Variants in NAA38 observed in about 807,000 individuals in gnomAD.
NAA38 encodes LSM domain containing 1.
In NAA38, 15 loss-of-function variants were observed where a neutral mutation model predicts 12.6. That is an observed-to-expected ratio of 1.19 (90% CI 0.79 to 1.83). NAA38 has a LOEUF of 1.83. NAA38 is among the 40% of genes most tolerant of loss of function. NAA38 has a pLI of 0.00. For missense variants in NAA38, 183 were observed against 171.7 expected, an observed-to-expected ratio of 1.07 and a Z score of -0.37; for synonymous variants, 88 against 69.9, an observed-to-expected ratio of 1.26 and a Z score of -1.29.
intron 3 of NAA38, chr17:7,863,136 C>T (rs1379297417): frequency 1.3e-5 from 2 of 152,036 alleles, no homozygotes; most frequent in African/African-American, 2.4e-5. Flanking sequence ...AAAGACATCA[C>T]AAATTTTTAA....
intron 2 of NAA38, among the ~76,000 whole-genome samples, chr17:7,873,596 G>C (rs1725547026): frequency 6.6e-6 from 1 of 152,194 alleles, no homozygotes; most frequent in African/African-American, 2.4e-5. Context: ...GACTGGGAAA[G>C]AGCAAGTGGA....
At chr17:7,882,151 A>C (rs1967284579) in intron 2 of NAA38, among the ~76,000 whole-genome samples, 1 of 152,184 alleles carries the variant, frequency 6.6e-6, no homozygotes, top group African/African-American at 2.4e-5. Flanking sequence ...GAGTGTTTGT[A>C]TAGGGATGCA....
chr17:7,885,198 A>C (rs1180696007), exon 1 of NAA38: 1 of 945,952 alleles, frequency 1.1e-6, no homozygotes. Flanking sequence ...CCGGAGCGCG[A>C]ATCCGGGGCT....
chr17:7,867,488 A>G (rs1180615395), intron 2 of NAA38, among the ~76,000 whole-genome samples: 2 of 151,912 alleles, frequency 1.3e-5, no homozygotes, highest in East Asian at 3.9e-4. Context: ...ACAGGCGTGC[A>G]CCACCACACC....
intron 2 of NAA38, among the ~76,000 whole-genome samples, chr17:7,882,867 A>G (rs894507362): frequency 6.6e-6 from 1 of 152,142 alleles, no homozygotes; most frequent in Non-Finnish European, 1.5e-5. Context: ...ACCGCCGAAG[A>G]TGGGTGGCCA....
intron 2 of NAA38, among the ~76,000 whole-genome samples, chr17:7,880,975 C>G (rs142402377): frequency 4.1e-4 from 62 of 152,188 alleles, no homozygotes; most frequent in African/African-American, 1.5e-3. Context: ...CAAGCCCAGC[C>G]AAGTTAGTTA....
intron 3 of NAA38, chr17:7,865,588 C>T (rs966227758): frequency 6.6e-6 from 1 of 152,136 alleles, no homozygotes; most frequent in African/African-American, 2.4e-5. Context: ...CACAGCATCC[C>T]AAGAGAACCA....
chr17:7,885,124 A>G, intron 1 of NAA38: 1 of 974,536 alleles, frequency 1.0e-6, no homozygotes, highest in Non-Finnish European at 1.2e-6. Flanking sequence ...CCCGAGTGGG[A>G]GCCGCGGGCG....
intron 2 of NAA38, among the ~76,000 whole-genome samples, chr17:7,876,351 T>A (rs1967175416): frequency 6.6e-6 from 1 of 152,086 alleles, no homozygotes; most frequent in Non-Finnish European, 1.5e-5. Flanking sequence ...GGCTACTCCA[T>A]CCTTCAAAGT....
intron 2 of NAA38, among the ~76,000 whole-genome samples, chr17:7,873,032 C>T (rs1188701913): frequency 6.6e-6 from 1 of 152,180 alleles, no homozygotes; most frequent in Non-Finnish European, 1.5e-5. Flanking sequence ...TGCATGCCTG[C>T]TTACTGTGTG....
chr17:7,876,046 A>G (rs890070508), intron 2 of NAA38, among the ~76,000 whole-genome samples: 17 of 152,132 alleles, frequency 1.1e-4, no homozygotes, highest in Admixed American at 1.3e-4. Context: ...CAGTTGATGG[A>G]TATTTTTGTT....
chr17:7,858,307 C>T (rs1385978869), upstream of NAA38: 1 of 1,613,922 alleles, frequency 6.2e-7, no homozygotes, highest in Non-Finnish European at 8.5e-7. Flanking sequence ...AAGGGCCACA[C>T]GTTGGGCCGG....
chr17:7,885,106 C>T (rs1299386067), intron 1 of NAA38: 1 of 983,010 alleles, frequency 1.0e-6, no homozygotes, highest in Non-Finnish European at 1.2e-6. Context: ...CCCGACTCCC[C>T]CCCCAAGCCC....
intron 2 of NAA38, among the ~76,000 whole-genome samples, chr17:7,873,148 A>G (rs1165451209): frequency 6.6e-6 from 1 of 151,860 alleles, no homozygotes; most frequent in Non-Finnish European, 1.5e-5. Context: ...AGAAACTGAA[A>G]CTCTGAGAAG....
chr17:7,858,884 G>A (rs1470680543), upstream of NAA38: 8 of 1,433,794 alleles, frequency 5.6e-6, no homozygotes, highest in African/African-American at 8.6e-5. Flanking sequence ...AAATCTCCAG[G>A]CCGATCTTCA....
In NAA38 at chr17:7,857,435, A is replaced by G; in HGVS notation, c.29T>C (p.Leu10Pro). The change falls in exon 1 of 3, where the codon CTA becomes CCA. Residue 10 changes from leucine to proline, a missense_variant. Physicochemically the swap from Leu to Pro is moderately conservative, Grantham distance 98 (BLOSUM62 -3). Coordinates refer to ENST00000575771, the MANE Select transcript of NAA38 (RefSeq NM_001320925.4). MAGAGPTML[L>P]REENGCCSRR... ...ACTGCAACAGCCATTCTCTTCTCGT[A>G]GCAGCATGGTCGGTCCAGCTCCGGC... The G allele has an allele frequency of 6.3e-7, 1 of 1,584,770 alleles. No homozygotes were observed. Among genetic ancestry groups the G allele is most frequent in the Admixed American group, 1.9e-5 (1 of 53,178 alleles).
chr17:7,872,657 G>C (rs1399174085), intron 2 of NAA38, among the ~76,000 whole-genome samples: 2 of 152,154 alleles, frequency 1.3e-5, no homozygotes, highest in African/African-American at 4.8e-5. Context: ...CGCTGTGCCC[G>C]GGCAATTTTT....
upstream of NAA38, chr17:7,858,941 T>C: frequency 2.1e-6 from 2 of 966,584 alleles, no homozygotes; most frequent in Non-Finnish European, 2.9e-6. Flanking sequence ...TTCTGTCCTT[T>C]ACATTGAGGC....
upstream of NAA38, chr17:7,858,006 G>C: frequency 6.6e-7 from 1 of 1,520,302 alleles, no homozygotes; most frequent in Non-Finnish European, 8.8e-7. Context: ...AAAGGACAAT[G>C]GTTTCCATGT....
Sources: allele counts gnomAD v4.1 joint callset (sites outside exome capture counted in the v4.1 genomes callset), GRCh38; gene constraint gnomAD v4.1.1; transcripts MANE v1.5; gene names NCBI Gene and HGNC (gene_info 2026-07-23, HGNC 2026-07-21).